Variants in TBX4 observed in about 807,000 individuals in gnomAD.
TBX4 encodes the protein T-box transcription factor 4.
In TBX4, 13 loss-of-function variants were observed where a neutral mutation model predicts 54.6. The ratio of observed to expected loss-of-function variants is 0.24; its 90% CI spans 0.15 to 0.38. TBX4 has a LOEUF of 0.38. Ranked by LOEUF, TBX4 falls within the 10% of genes least tolerant of loss-of-function variation. The pLI is 1.00. For missense variants in TBX4, 631 were observed against 728.5 expected, an observed-to-expected ratio of 0.87 and a Z score of 1.54; for synonymous variants, 314 against 306.7, an observed-to-expected ratio of 1.02 and a Z score of -0.25.
Position 61,480,021 on chromosome 17 carries a change from G to A in TBX4, c.791+52G>A. Reference sequence around the variant, plus strand: ...GCGGGCAGATGGGATTCAGGCACGTGGCCTCTGTGACCCTCGATGTATCTT... The same window carrying A: ...GCGGGCAGATGGGATTCAGGCACGTAGCCTCTGTGACCCTCGATGTATCTT... On this transcript the variant is annotated intron_variant, in intron 7 of 8. Transcript: ENST00000644296. The surrounding 1 kb of genome is among the most constrained non-coding windows in gnomAD (Gnocchi z 6.2). The A allele has an allele frequency of 6.2e-7, 1 of 1,612,354 alleles. No homozygotes were observed. Among genetic ancestry groups the A allele is most frequent in the Non-Finnish European group, 8.5e-7 (1 of 1,178,500 alleles).
At chr17:61,477,272 T>TA (rs1341188683) in intron 5 of TBX4, among the ~76,000 whole-genome samples, 5 of 152,224 alleles carry the variant, frequency 3.3e-5, no homozygotes, top group African/African-American at 4.8e-5. Context: ...ATGTCAACGA[T>TA]AAAAAATACA....
rs1046339935 is a variant in TBX4, at chr17:61,461,408, A to C, written c.281+3777A>C. ...GCCCCACTCCTAACCCCAGCCTTGGATGCTGGGCCCTGGCCTCTTCCCCGT... is the reference window on the plus strand; with the variant it reads ...GCCCCACTCCTAACCCCAGCCTTGGCTGCTGGGCCCTGGCCTCTTCCCCGT... On this transcript the variant is annotated intron_variant, in intron 3 of 8. Transcript: ENST00000644296. The surrounding 1 kb of genome is among the most constrained non-coding windows in gnomAD (Gnocchi z 5.1). Among the ~76,000 whole-genome samples, 7 of 152,148 alleles carry C rather than the reference A, an allele frequency of 4.6e-5. No homozygotes were observed. Among genetic ancestry groups the C allele is most frequent in the Non-Finnish European group, 1.0e-4 (7 of 68,026 alleles).
chr17:61,460,126 G>GGAA lies in TBX4; in HGVS notation c.281+2497_281+2499dup, dbSNP rs1439708620. ...GAACGTAAACCAAACCCCAGAGAAGGGAAGTTAGGCAGTTACCAGGTCCAC... is the reference window on the plus strand; with the variant it reads ...GAACGTAAACCAAACCCCAGAGAAGGGAAGAAGTTAGGCAGTTACCAGGTCCAC... On this transcript the variant is annotated intron_variant, in intron 3 of 8. Transcript: ENST00000644296. This position sits in a 1 kb window ranked among gnomAD's most constrained non-coding sequence, Gnocchi z 4.4. 1.3e-5 allele frequency: 2 copies of GGAA among 152,450 alleles called. No homozygotes were observed. The highest frequency in any genetic ancestry group is 2.9e-5 in the Non-Finnish European group (2 of 68,252). 9.4% of individuals were successfully genotyped at this position (152,450 alleles called of 1,614,324 possible).
chr17:61,476,736 G>T lies in TBX4; in HGVS notation c.550-1891G>T, dbSNP rs1378814465. Among the ~76,000 whole-genome samples, 1 of 152,238 alleles carries T rather than the reference G, an allele frequency of 6.6e-6. No homozygotes were observed. The highest frequency in any genetic ancestry group is 1.5e-5 in the Non-Finnish European group (1 of 68,042). ...TGTACTTGCCTCGTGAAGGTCTGGAGGTTTGTCACTGAGGGCTGAGGCGGG... is the reference window on the plus strand; with the variant it reads ...TGTACTTGCCTCGTGAAGGTCTGGATGTTTGTCACTGAGGGCTGAGGCGGG... On this transcript the variant is annotated intron_variant, in intron 5 of 8. Transcript: ENST00000644296. This position sits in a 1 kb window ranked among gnomAD's most constrained non-coding sequence, Gnocchi z 6.5.
rs1455691504 is a variant in TBX4 at position 61,462,056 on chromosome 17, T to C, written c.282-3763T>C. Among the ~76,000 whole-genome samples the C allele has an allele frequency of 6.6e-6, 1 of 152,162 alleles. No homozygotes were observed. The highest frequency in any genetic ancestry group is 1.9e-4 in the East Asian group (1 of 5,178). On this transcript the variant is annotated intron_variant, in intron 3 of 8. Coordinates refer to ENST00000644296, the MANE Select transcript of TBX4 (RefSeq NM_001321120.2). The surrounding 1 kb of genome is among the most constrained non-coding windows in gnomAD (Gnocchi z 4.5). Reference sequence around the variant, plus strand: ...CGCAGCGCAGCTAGAACTTGCGTGTTCCCTCAGCAGTGAGTTCGCAGTTAC... The same window carrying C: ...CGCAGCGCAGCTAGAACTTGCGTGTCCCCTCAGCAGTGAGTTCGCAGTTAC...
Position 61,480,384 on chromosome 17 carries a change from A to G in TBX4, c.1021+65A>G, listed in dbSNP as rs1286379781. 2.3e-6 allele frequency: 3 copies of G among 1,278,120 alleles called. No individual in the cohort carries two copies. The highest frequency in any genetic ancestry group is 1.6e-5 in the African/African-American group (1 of 61,614). The allele number at this position is 1,278,120 out of a possible 1,614,324, so 79.2% of individuals were successfully genotyped here. On this transcript the variant is annotated intron_variant, in intron 8 of 8. Transcript: ENST00000644296. This position sits in a 1 kb window ranked among gnomAD's most constrained non-coding sequence, Gnocchi z 6.2. ...GAGCGGTGAGGTTCTCCCCGAAACC[A>G]CTCTGCAGCGCCCCCCCCCCCAACA...
chr17:61,483,713 G>A lies in TBX4; in HGVS notation c.*197G>A. On this transcript the variant is annotated 3_prime_UTR_variant, in exon 9 of 9. Coordinates refer to ENST00000644296, the MANE Select transcript of TBX4 (RefSeq NM_001321120.2). The surrounding 1 kb of genome is among the most constrained non-coding windows in gnomAD (Gnocchi z 6.6). ...TCTTCTGACATACAACTGAGGTCAT[G>A]ACAAGGAAAAAAAACACCACATTTA... 1.4e-6 allele frequency: 1 copy of A among 718,008 alleles called. No homozygotes were observed. The highest frequency in any genetic ancestry group is 2.3e-6 in the Non-Finnish European group (1 of 440,792). The allele number at this position is 718,008 out of a possible 1,614,324, so 44.5% of individuals were successfully genotyped here. A position where few individuals can be genotyped will look rare whatever the true frequency, so the allele number is the denominator to read the frequency against.
intron 5 of TBX4, among the ~76,000 whole-genome samples, chr17:61,477,941 C>CAAAAAAAA (rs10617980): frequency 5.6e-5 from 5 of 88,622 alleles, no homozygotes; most frequent in African/African-American, 8.0e-5. Flanking sequence ...GATTCCATCT[C>CAAAAAAAA]AAAAAAAAAA....
At chr17:61,467,883 T>C (rs1232972146) in intron 5 of TBX4, among the ~76,000 whole-genome samples, 1 of 152,200 alleles carries the variant, frequency 6.6e-6, no homozygotes, top group Non-Finnish European at 1.5e-5. Flanking sequence ...GTCTCAGCCT[T>C]TTTGAGCCTC....
At chr17:61,482,630 C>T (rs1036618581) in intron 8 of TBX4, among the ~76,000 whole-genome samples, 4 of 152,172 alleles carry the variant, frequency 2.6e-5, no homozygotes, top group Non-Finnish European at 4.4e-5. Context: ...GGATCAAAGC[C>T]GAGTGCTGCC....
At position 61,457,336 on chromosome 17, in the gene TBX4, T is replaced by C. The variant is rs1179815551; in HGVS notation, c.187-201T>C. ...GAGGGTTCCTCCGTAGGTGCAGCTT[T>C]AAAGGAGGAAGTTTTAGCCACCGAT... On this transcript the variant is annotated intron_variant, in intron 2 of 8. Transcript: ENST00000644296. The surrounding 1 kb of genome is among the most constrained non-coding windows in gnomAD (Gnocchi z 8.2). Among the ~76,000 whole-genome samples the C allele has an allele frequency of 6.6e-6, 1 of 152,172 alleles. No homozygotes were observed. Among genetic ancestry groups the C allele is most frequent in the East Asian group, 1.9e-4 (1 of 5,176 alleles).
chr17:61,483,133 A>C lies in TBX4; in HGVS notation c.1258A>C (p.Met420Leu), dbSNP rs1214295760. 14 of 1,614,004 alleles carry C rather than the reference A, an allele frequency of 8.7e-6. No homozygotes were observed. The highest frequency in any genetic ancestry group is 1.2e-5 in the Non-Finnish European group (14 of 1,180,024). ...GCCCCCACCTCCGCTGAGCTGTAAC[A>C]TGTGGACTTCAGTGTCGCCGTACAC... is the stretch of plus-strand genomic sequence containing the variant. ...DLPPPPLSCN[M>L]WTSVSPYTSY... The change falls in exon 9 of 9, where the codon ATG becomes CTG. Residue 420 changes from methionine (M) to leucine (L), a missense_variant. Transcript: ENST00000644296. The surrounding 1 kb of genome is among the most constrained non-coding windows in gnomAD (Gnocchi z 6.6).
At position 61,467,575 on chromosome 17, in the gene TBX4, C is replaced by G. The variant is rs765562149; in HGVS notation, c.467C>G (p.Ala156Gly). The change falls in exon 5 of 9, where the codon GCC becomes GGC. Residue 156 changes from alanine (A) to glycine (G), a missense_variant. By Grantham distance (60) the Ala-to-Gly change is moderately conservative. Coordinates refer to ENST00000644296, the MANE Select transcript of TBX4 (RefSeq NM_001321120.2). ...GRLYVHPDSP[A>G]TGAHWMRQLV... ...CTGTATGTCCACCCGGATTCTCCTG[C>G]CACAGGAGCCCACTGGATGCGGCAG... 1 of 1,614,220 alleles carries G rather than the reference C, an allele frequency of 6.2e-7. No homozygotes were observed. Among genetic ancestry groups the G allele is most frequent in the Admixed American group, 1.7e-5 (1 of 60,030 alleles).
rs1569043988 is a variant in TBX4 at position 61,479,294 on chromosome 17, A to ACCCCCACTGCG, written c.702+515_702+516insCCCCCACTGCG. ...TCCCCAGCCCGGCCACCCCCACTGC[A>ACCCCCACTGCG]TCCCAGTCACTGACAGCCGTGCTCT... On this transcript the variant is annotated intron_variant, in intron 6 of 8. Coordinates refer to ENST00000644296, the MANE Select transcript of TBX4 (RefSeq NM_001321120.2). The surrounding 1 kb of genome is among the most constrained non-coding windows in gnomAD (Gnocchi z 6.1). 9.9e-5 allele frequency among the ~76,000 whole-genome samples: 15 copies of ACCCCCACTGCG among 152,002 alleles called. No individual in the cohort carries two copies. The highest frequency in any genetic ancestry group is 3.6e-4 in the African/African-American group (15 of 41,334).
In TBX4 at chr17:61,474,954, A is replaced by G. The variant is rs115455149; in HGVS notation, c.550-3673A>G. Among the ~76,000 whole-genome samples the G allele has an allele frequency of 0.012, 1,825 of 152,322 alleles. 46 individuals are homozygous for G. The highest frequency in any genetic ancestry group is 0.042 in the African/African-American group (1,736 of 41,574). On this transcript the variant is annotated intron_variant, in intron 5 of 8. Coordinates refer to ENST00000644296, the MANE Select transcript of TBX4 (RefSeq NM_001321120.2). This position sits in a 1 kb window ranked among gnomAD's most constrained non-coding sequence, Gnocchi z 4.6. ...GGAGTCAGAAGGGGTGTTTGGGACC[A>G]CTTAGTCAAAGGCCCCACTTCATAG...
intron 5 of TBX4, among the ~76,000 whole-genome samples, chr17:61,471,180 C>T (rs181749277): frequency 6.6e-6 from 1 of 152,310 alleles, no homozygotes; most frequent in African/African-American, 2.4e-5. Flanking sequence ...CTGGCATAGG[C>T]CTGACTGCCA....
In TBX4 at chr17:61,478,903, G is replaced by GA. The variant is rs1432290400; in HGVS notation, c.702+125dup. 2.0e-5 allele frequency: 30 copies of GA among 1,489,418 alleles called. No individual in the cohort carries two copies. The Admixed American group carries it at 4.1e-4, about 20-fold the overall frequency. The allele number at this position is 1,489,418 out of a possible 1,614,324, so 92.3% of individuals were successfully genotyped here. On this transcript the variant is annotated intron_variant, in intron 6 of 8. Coordinates refer to ENST00000644296, the MANE Select transcript of TBX4 (RefSeq NM_001321120.2). The surrounding 1 kb of genome is among the most constrained non-coding windows in gnomAD (Gnocchi z 7.4). ...AGGGCTTGGGCAGGCCCAGTGCAGG[G>GA]ACCTCAGAAGCCTAGAGTCCCTCGG...
rs2060532709 is a variant in TBX4 at position 61,465,859 on chromosome 17, A to T, written c.322A>T (p.Asn108Tyr). The T allele has an allele frequency of 6.2e-7, 1 of 1,614,168 alleles. No homozygotes were observed. The highest frequency in any genetic ancestry group is 8.5e-7 in the Non-Finnish European group (1 of 1,180,008). ...PSYKVKVTGM[N>Y]PKTKYILLID... ...CTACAAGGTAAAAGTCACAGGCATG[A>T]ACCCCAAGACCAAGTATATCCTGCT... Residue 108 changes from asparagine to tyrosine, a missense_variant, in exon 4 of 9, where the codon AAC (asparagine) becomes TAC (tyrosine). By Grantham distance (143) the Asn-to-Tyr change is moderately radical. Coordinates refer to ENST00000644296, the MANE Select transcript of TBX4 (RefSeq NM_001321120.2). The surrounding 1 kb of genome is among the most constrained non-coding windows in gnomAD (Gnocchi z 4.9).
At chr17:61,470,656 T>C (rs368720290) in intron 5 of TBX4, among the ~76,000 whole-genome samples, 2 of 152,180 alleles carry the variant, frequency 1.3e-5, no homozygotes, top group East Asian at 3.9e-4. Context: ...AGTCCCGAGG[T>C]TGGGCCAGGC....
Sources: gnomAD v4.1 joint callset for allele counts (sites outside exome capture counted in the v4.1 genomes callset) on GRCh38, gnomAD v4.1.1 for gene constraint, Gnocchi (gnomAD v3.1) non-coding constraint, MANE v1.5 for transcripts, NCBI Gene and HGNC (gene_info 2026-07-23, HGNC 2026-07-21) for gene names.